The following RNF144A variants were observed in gnomAD, a reference collection of about 807,000 sequenced individuals.
RNF144A encodes the protein ring finger protein 144A.
RNF144A carries 11 observed loss-of-function variants against 38.7 expected under a neutral mutation model. The ratio of observed to expected loss-of-function variants is 0.28; its 90% confidence interval spans 0.18 to 0.47. The LOEUF is 0.47. Among genes scored for constraint, RNF144A ranks in the 20% least tolerant of loss-of-function variants. The pLI, the probability that RNF144A is intolerant of heterozygous loss-of-function variation, is 0.99. For missense variants in RNF144A, 316 were observed against 377.2 expected (o/e 0.84, Z 1.34); for synonymous variants, 149 against 143.9 (o/e 1.04, Z -0.25).
chr2:6,943,411 GT>G lies in RNF144A; in HGVS notation c.-12+2265del, dbSNP rs1666140859. Among the ~76,000 whole-genome samples the G allele has an allele frequency of 6.6e-6, 1 of 152,232 alleles. No individual in the cohort carries two copies. The highest frequency in any genetic ancestry group is 1.5e-5 in the Non-Finnish European group (1 of 68,044). ...TGGAGAGAAGAATGCAGGGGAGGAAGTGGAGACAGGGATTGTAGACAACTCA... is the reference window on the plus strand; with the variant it reads ...TGGAGAGAAGAATGCAGGGGAGGAAGGGAGACAGGGATTGTAGACAACTCA... On this transcript the variant is annotated intron_variant, in intron 2 of 8. Coordinates refer to ENST00000320892, the MANE Select transcript of RNF144A (RefSeq NM_014746.6). This position sits in a 1 kb window ranked among gnomAD's most constrained non-coding sequence, Gnocchi z 4.3.
In RNF144A at chr2:7,033,452, C is replaced by A. The variant is rs76227475; in HGVS notation, c.747+3237C>A. 3.9e-3 allele frequency among the ~76,000 whole-genome samples: 590 copies of A among 152,368 alleles called. 7 individuals are homozygous for A. Among genetic ancestry groups the A allele is most frequent in the African/African-American group, 0.013 (551 of 41,588 alleles). On this transcript the variant is annotated intron_variant, in intron 8 of 8. Transcript: ENST00000320892. ...AGAGCCTGAGCATGGGTCTTGGCAGCCGCATCTTCCCTGCTCCTCCAGGCT... is the reference window on the plus strand; with the variant it reads ...AGAGCCTGAGCATGGGTCTTGGCAGACGCATCTTCCCTGCTCCTCCAGGCT...
chr2:7,045,713 C>T (rs942828012), downstream of RNF144A, among the ~76,000 whole-genome samples: 2 of 152,176 alleles, frequency 1.3e-5, no homozygotes, highest in Non-Finnish European at 2.9e-5. Flanking sequence ...CAACTCACCT[C>T]CATAGGAGGG....
At chr2:6,922,423 A>G (rs1009947813) in intron 1 of RNF144A, among the ~76,000 whole-genome samples, 4 of 152,166 alleles carry the variant, frequency 2.6e-5, no homozygotes, top group Non-Finnish European at 5.9e-5. Flanking sequence ...GACTGTGCAC[A>G]TCTCTTACAA....
At chr2:7,021,672 C>T (rs556778693) in intron 6 of RNF144A, among the ~76,000 whole-genome samples, 16 of 152,234 alleles carry the variant, frequency 1.1e-4, no homozygotes, top group Non-Finnish European at 1.8e-4. Flanking sequence ...GCATTGATTA[C>T]AACCCTGGAC....
chr2:6,918,094 G>A (rs1373460087), intron 1 of RNF144A, among the ~76,000 whole-genome samples: 1 of 152,112 alleles, frequency 6.6e-6, no homozygotes, highest in East Asian at 1.9e-4. Flanking sequence ...CCCAAGAGGA[G>A]GTCTGGGAAA....
chr2:6,923,076 T>G (rs1395422911), intron 1 of RNF144A, among the ~76,000 whole-genome samples: 1 of 152,182 alleles, frequency 6.6e-6, no homozygotes, highest in Admixed American at 6.5e-5. Context: ...AACTCTCTGA[T>G]GTCTGCACCA....
chr2:7,016,525 AT>A (rs1326214162), intron 5 of RNF144A, among the ~76,000 whole-genome samples: 1 of 151,210 alleles, frequency 6.6e-6, no homozygotes, highest in Non-Finnish European at 1.5e-5. Context: ...TTCCTTTTGC[AT>A]AAACATGAAG....
chr2:7,024,688 G>T (rs371783772), intron 7 of RNF144A, among the ~76,000 whole-genome samples, 172 bp downstream of exon 7: 2 of 152,188 alleles, frequency 1.3e-5, no homozygotes, highest in African/African-American at 4.8e-5. Flanking sequence ...ACTCATGAGC[G>T]CCATGGGGAC....
chr2:6,983,633 A>G (rs1431476010), intron 2 of RNF144A, among the ~76,000 whole-genome samples: 1 of 152,000 alleles, frequency 6.6e-6, no homozygotes, highest in Non-Finnish European at 1.5e-5. Context: ...CTCCTGGAGG[A>G]TTTCTGTCAG....
At chr2:6,919,101 C>T (rs1308793346) in intron 1 of RNF144A, among the ~76,000 whole-genome samples, 1 of 151,420 alleles carries the variant, frequency 6.6e-6, no homozygotes, top group East Asian at 1.9e-4. Flanking sequence ...GTGGGAGCCC[C>T]CAGGAGGGAA....
Position 7,049,530 on chromosome 2 carries a change from G to A in RNF144A, c.735-18686G>A, listed in dbSNP as rs551977419. Among the ~76,000 whole-genome samples, 5 of 152,282 alleles carry A rather than the reference G, an allele frequency of 3.3e-5. No individual in the cohort carries two copies. In the South Asian group the frequency reaches 1.0e-3, roughly 32 times the overall value. On this transcript the variant is annotated intron_variant, in intron 6 of 6. Transcript: ENST00000432850. ...CTTGGAATCCACAAAGGATGAAGAT[G>A]ACAAAAATTCAACTGTGCTCAGCGA...
chr2:6,951,032 C>T (rs1372983795), intron 2 of RNF144A, among the ~76,000 whole-genome samples: 1 of 152,114 alleles, frequency 6.6e-6, no homozygotes, highest in Admixed American at 6.5e-5. Context: ...CTATATCAGC[C>T]TTGCCCATTT....
intron 2 of RNF144A, among the ~76,000 whole-genome samples, chr2:6,971,734 G>A (rs557930749): frequency 6.6e-6 from 1 of 151,950 alleles, no homozygotes; most frequent in Non-Finnish European, 1.5e-5. Flanking sequence ...TGGACAAAGG[G>A]ACTCCCTGGG....
intron 2 of RNF144A, among the ~76,000 whole-genome samples, chr2:6,963,122 A>G (rs958308403): frequency 2.0e-5 from 3 of 152,218 alleles, no homozygotes; most frequent in East Asian, 1.9e-4. Context: ...GCCTTGTTCC[A>G]CAGAGAGAGA....
At chr2:7,055,725 A>T (rs919483694) in intron 6 of RNF144A, among the ~76,000 whole-genome samples, 12 of 152,178 alleles carry the variant, frequency 7.9e-5, no homozygotes, top group Non-Finnish European at 1.8e-4. Flanking sequence ...AATTTCATTC[A>T]TGCCTATGAT....
chr2:6,969,762 T>TTTTG (rs1157191194), intron 2 of RNF144A, among the ~76,000 whole-genome samples: 2 of 152,096 alleles, frequency 1.3e-5, no homozygotes, highest in South Asian at 2.1e-4. Context: ...TTACAAATCT[T>TTTTG]TTTGTTTGTT....
At chr2:7,047,232 TG>T (rs1371099949), downstream of RNF144A, among the ~76,000 whole-genome samples, 2 of 152,034 alleles carry the variant, frequency 1.3e-5, no homozygotes, top group East Asian at 3.9e-4. Flanking sequence ...TGCAAGAGCC[TG>T]TATGAAGTAC....
intron 1 of RNF144A, among the ~76,000 whole-genome samples, chr2:6,925,650 T>C (rs1317519360): frequency 6.6e-6 from 1 of 152,202 alleles, no homozygotes; most frequent in Non-Finnish European, 1.5e-5. Flanking sequence ...CTCTCTGATA[T>C]CTGCCTGCAT....
At chr2:6,973,484 C>G (rs776922610) in intron 2 of RNF144A, among the ~76,000 whole-genome samples, 17 of 152,222 alleles carry the variant, frequency 1.1e-4, no homozygotes, top group Non-Finnish European at 1.9e-4. Context: ...GTAGCAGGTC[C>G]TCCTGGTCAC....
Sources: allele counts gnomAD v4.1 joint callset (sites outside exome capture counted in the v4.1 genomes callset), GRCh38; gene constraint gnomAD v4.1.1; non-coding constraint Gnocchi (gnomAD v3.1); transcripts MANE v1.5; gene names NCBI Gene and HGNC (gene_info 2026-07-23, HGNC 2026-07-21).